The following PRKG1 variants were observed in gnomAD, a reference collection of about 807,000 sequenced individuals.
PRKG1 encodes cGMP-dependent protein kinase 1.
Under a neutral mutation model 88.1 loss-of-function variants are expected in PRKG1, and 35 were observed. That is an observed-to-expected ratio of 0.40 (90% CI 0.30 to 0.53). PRKG1 has a LOEUF of 0.53. Among genes scored for constraint, PRKG1 ranks in the 20% least tolerant of loss-of-function variants. The pLI is 0.59. For synonymous variants in PRKG1, 303 were observed against 292.5 expected (o/e 1.04, Z -0.37); for missense variants, 540 against 839.8 (o/e 0.64, Z 4.41).
intron 2 of PRKG1, among the ~76,000 whole-genome samples, chr10:51,284,865 C>CTTTTTTTTTTTTTTTTTTTTTATT (rs1840393822): frequency 1.9e-5 from 1 of 51,696 alleles, no homozygotes; most frequent in African/African-American, 7.2e-5. Context: ...GTTGTGGGTA[C>CTTTTTTTTTTTTTTTTTTTTTATT]TTTTTTTTTT....
intron 5 of PRKG1, among the ~76,000 whole-genome samples, chr10:52,005,595 A>G (rs557576380): frequency 6.6e-6 from 1 of 152,308 alleles, no homozygotes; most frequent in South Asian, 2.1e-4. Context: ...GCACATGGAC[A>G]GTAACATGGG....
chr10:51,627,910 TCCC>T (rs1839381607), intron 3 of PRKG1, among the ~76,000 whole-genome samples: 6 of 138,780 alleles, frequency 4.3e-5, no homozygotes, highest in African/African-American at 7.9e-5. Context: ...TTCCCTTCCT[TCCC>T]TTCCTTCCCT....
chr10:52,274,870 C>A (rs973966099), intron 12 of PRKG1, among the ~76,000 whole-genome samples: 9 of 152,024 alleles, frequency 5.9e-5, no homozygotes, highest in Non-Finnish European at 1.2e-4. Context: ...TTGATTATGG[C>A]CATTCTTGCA....
At chr10:52,021,298 T>C (rs557533248) in intron 5 of PRKG1, among the ~76,000 whole-genome samples, 1 of 152,238 alleles carries the variant, frequency 6.6e-6, no homozygotes, top group South Asian at 2.1e-4. Flanking sequence ...TATTCTCTGG[T>C]TGGTGGAGTT....
At chr10:51,434,224 A>G (rs1838857926) in intron 2 of PRKG1, among the ~76,000 whole-genome samples, 1 of 152,120 alleles carries the variant, frequency 6.6e-6, no homozygotes, top group Non-Finnish European at 1.5e-5. Flanking sequence ...TCAAATCCGT[A>G]TCACAGGCTG....
chr10:51,088,602 A>C (rs1297686570), intron 1 of PRKG1, among the ~76,000 whole-genome samples: 1 of 151,956 alleles, frequency 6.6e-6, no homozygotes, highest in Non-Finnish European at 1.5e-5. Flanking sequence ...TTGGGCTTCC[A>C]TTTCTCAGTG....
rs138749741 is a variant in PRKG1, at chr10:52,100,179, A to G, written c.936-33661A>G. On this transcript the variant is annotated intron_variant, in intron 7 of 17. Transcript: ENST00000373980. ...TTCTCCCAGCACAGTGAACTCATGTAAAGAGACTGGACAGGAATCCCCTTT... is the reference window on the plus strand; with the variant it reads ...TTCTCCCAGCACAGTGAACTCATGTGAAGAGACTGGACAGGAATCCCCTTT... Among the ~76,000 whole-genome samples the G allele has an allele frequency of 3.0e-3, 453 of 152,286 alleles. 3 individuals are homozygous for G. Among genetic ancestry groups the G allele is most frequent in the African/African-American group, 9.8e-3 (408 of 41,562 alleles).
At chr10:51,409,403 T>TC (rs1329737774) in intron 2 of PRKG1, among the ~76,000 whole-genome samples, 1 of 152,098 alleles carries the variant, frequency 6.6e-6, no homozygotes, top group East Asian at 1.9e-4. Context: ...GTATAAGATT[T>TC]CCGTTCGATG....
At chr10:51,690,335 C>T (rs1181242987) in intron 3 of PRKG1, among the ~76,000 whole-genome samples, 5 of 151,948 alleles carry the variant, frequency 3.3e-5, no homozygotes, top group Admixed American at 1.3e-4. Context: ...CACATCCAAA[C>T]TATATCAGGG....
intron 7 of PRKG1, among the ~76,000 whole-genome samples, chr10:52,116,088 A>G (rs926751289): frequency 1.3e-5 from 2 of 152,114 alleles, no homozygotes; most frequent in Non-Finnish European, 2.9e-5. Context: ...TTATTTGGAC[A>G]TGTTTTGGCA....
At chr10:52,068,494 T>A (rs906366597) in intron 7 of PRKG1, among the ~76,000 whole-genome samples, 1 of 152,198 alleles carries the variant, frequency 6.6e-6, no homozygotes, top group Non-Finnish European at 1.5e-5. Context: ...TAATGATTAG[T>A]CACTGAGAAG....
chr10:52,113,599 T>C (rs1450964410), intron 7 of PRKG1, among the ~76,000 whole-genome samples: 1 of 152,168 alleles, frequency 6.6e-6, no homozygotes, highest in Non-Finnish European at 1.5e-5. Context: ...TAACTGACTG[T>C]GTCCTGTTCT....
chr10:52,271,747 C>G (rs962952595), intron 11 of PRKG1, among the ~76,000 whole-genome samples: 1 of 152,000 alleles, frequency 6.6e-6, no homozygotes, highest in African/African-American at 2.4e-5. Context: ...CCATTTTTAT[C>G]TTTTTTTAAA....
chr10:51,686,105 C>T (rs1299386225), intron 3 of PRKG1, among the ~76,000 whole-genome samples: 2 of 152,116 alleles, frequency 1.3e-5, no homozygotes, highest in Non-Finnish European at 2.9e-5. Flanking sequence ...AATAATCCAG[C>T]TTGAATTCCT....
intron 1 of PRKG1, among the ~76,000 whole-genome samples, chr10:51,098,656 GGA>G (rs764591188): frequency 2.0e-5 from 3 of 152,072 alleles, no homozygotes; most frequent in Non-Finnish European, 4.4e-5. Flanking sequence ...GTCTAACAGG[GGA>G]ACAAATTAAC....
At chr10:51,515,836 C>T (rs770961894) in intron 3 of PRKG1, among the ~76,000 whole-genome samples, 4 of 152,130 alleles carry the variant, frequency 2.6e-5, no homozygotes, top group South Asian at 2.1e-4. Context: ...AGGAACCGGC[C>T]GACCACTTTG....
intron 4 of PRKG1, among the ~76,000 whole-genome samples, chr10:51,847,155 A>T (rs937390831): frequency 2.0e-5 from 3 of 152,136 alleles, no homozygotes; most frequent in Non-Finnish European, 4.4e-5. Context: ...GGTGCTGATG[A>T]TCTATGATGC....
chr10:51,118,860 T>G (rs1391702920), intron 1 of PRKG1, among the ~76,000 whole-genome samples: 1 of 152,142 alleles, frequency 6.6e-6, no homozygotes, highest in East Asian at 1.9e-4. Flanking sequence ...CAAGCTAGGT[T>G]AATTGAAGGG....
chr10:51,026,352 G>A (rs1186171342), intron 1 of PRKG1, among the ~76,000 whole-genome samples: 1 of 152,178 alleles, frequency 6.6e-6, no homozygotes, highest in South Asian at 2.1e-4. Context: ...ATGGAACAGA[G>A]ACTGCCAGAT....
Sources: gnomAD v4.1 joint callset for allele counts (sites outside exome capture counted in the v4.1 genomes callset) on GRCh38, gnomAD v4.1.1 for gene constraint, MANE v1.5 for transcripts, NCBI Gene and HGNC (gene_info 2026-07-23, HGNC 2026-07-21) for gene names.